INTS9: variants seen among roughly 807,000 people sequenced by gnomAD.
INTS9 encodes the protein protein related to CPSF subunits of 74 kDa.
INTS9 carries 55 observed loss-of-function variants against 79.7 expected under a neutral mutation model. That is an observed-to-expected ratio of 0.69 (90% CI 0.56 to 0.86). The LOEUF (loss-of-function observed/expected upper bound fraction) is 0.86, where lower values mean the gene tolerates loss of function less well. Ranked by LOEUF, INTS9 falls within the 40% of genes least tolerant of loss-of-function variation. The pLI, the probability that INTS9 is intolerant of heterozygous loss-of-function variation, is 0.00. For synonymous variants in INTS9, 319 were observed against 325.2 expected (o/e 0.98, Z 0.20); for missense variants, 721 against 831.5 (o/e 0.87, Z 1.64).
At chr8:28,770,070 C>T in intron 15 of INTS9, 44 bp from the exon 16 acceptor site, 1 of 1,600,554 alleles carries the variant, frequency 6.2e-7, no homozygotes, top group Non-Finnish European at 8.5e-7. Context: ...TTCCTCTGAG[C>T]AGCAGGGGCC....
chr8:28,812,126 G>A (rs1805187113), intron 8 of INTS9, among the ~76,000 whole-genome samples: 1 of 152,206 alleles, frequency 6.6e-6, no homozygotes. Context: ...AATCCTAGGA[G>A]TGACCCTCAA....
intron 4 of INTS9, among the ~76,000 whole-genome samples, chr8:28,844,069 T>C (rs1585458243): frequency 6.6e-6 from 1 of 152,172 alleles, no homozygotes; most frequent in East Asian, 1.9e-4. Flanking sequence ...TCACATGGTG[T>C]TTTAAGCGGA....
At chr8:28,821,931 G>A (rs1333018362) in intron 6 of INTS9, among the ~76,000 whole-genome samples, 10 of 151,880 alleles carry the variant, frequency 6.6e-5, no homozygotes, top group Admixed American at 3.9e-4. Flanking sequence ...CACCATGCCC[G>A]GCTCAGTTTA....
chr8:28,821,020 C>A (rs1805797928), intron 6 of INTS9, among the ~76,000 whole-genome samples: 1 of 152,184 alleles, frequency 6.6e-6, no homozygotes, highest in Non-Finnish European at 1.5e-5. Context: ...AAAATGGGAT[C>A]TTAAAATTCC....
At chr8:28,867,261 G>GA (rs1033114554) in intron 1 of INTS9, among the ~76,000 whole-genome samples, 52 of 151,906 alleles carry the variant, frequency 3.4e-4, no homozygotes, top group Non-Finnish European at 6.0e-4. Flanking sequence ...TGTCTCAACT[G>GA]AAAAAAAATT....
At position 28,780,829 on chromosome 8, in the gene INTS9, A is replaced by G; in HGVS notation, c.1264T>C (p.Phe422Leu). The change falls in exon 12 of 17, where the codon TTC (phenylalanine) becomes CTC (leucine). Residue 422 changes from phenylalanine (F) to leucine (L), a missense_variant. Coordinates refer to ENST00000521022, the MANE Select transcript of INTS9 (RefSeq NM_018250.4). ...CTTTATTTTTTTCACTTACCCGTGA[A>G]TATGACGGTATTGAGACTAGATTTT... ...WGKSSLNTVI[F>L]TEPDFSYLEA... The G allele has an allele frequency of 6.2e-7, 1 of 1,614,138 alleles. No homozygotes were observed. Among genetic ancestry groups the G allele is most frequent in the Non-Finnish European group, 8.5e-7 (1 of 1,179,994 alleles).
chr8:28,845,151 G>A (rs1807432991), intron 4 of INTS9, among the ~76,000 whole-genome samples: 1 of 152,180 alleles, frequency 6.6e-6, no homozygotes, highest in African/African-American at 2.4e-5. Context: ...GGGTTCTACA[G>A]ACCATAAATT....
chr8:28,803,072 C>T (rs1039589204), intron 8 of INTS9, among the ~76,000 whole-genome samples: 3 of 152,002 alleles, frequency 2.0e-5, no homozygotes, highest in African/African-American at 7.2e-5. Flanking sequence ...ATGATCATGC[C>T]ACTGCACTCC....
In INTS9 at chr8:28,846,727, A is replaced by C. The variant is rs2078752162; in HGVS notation, c.261+20T>G. 6.3e-7 allele frequency: 1 copy of C among 1,581,752 alleles called. No homozygotes were observed. The highest frequency in any genetic ancestry group is 1.1e-5 in the South Asian group (1 of 90,456). On this transcript the variant is annotated intron_variant, in intron 4 of 16. Coordinates refer to ENST00000521022, the MANE Select transcript of INTS9 (RefSeq NM_018250.4). The stretch of plus-strand genomic sequence containing the variant: ...ACATAATAAGGTTTGTTTCTACAAT[A>C]AGATTCACCTTAATCTTACCTCTGG...
In INTS9 at chr8:28,816,859, G is replaced by A. The variant is rs561559075; in HGVS notation, c.489-3247C>T. On this transcript the variant is annotated intron_variant, in intron 6 of 16. Coordinates refer to ENST00000521022, the MANE Select transcript of INTS9 (RefSeq NM_018250.4). ...ATGATTGCCATTCTAACTGGTGTAAGGTGGTATCTCATTGTGGTTTTCATT... is the reference window on the plus strand; with the variant it reads ...ATGATTGCCATTCTAACTGGTGTAAAGTGGTATCTCATTGTGGTTTTCATT... Among the ~76,000 whole-genome samples the A allele has an allele frequency of 3.9e-5, 6 of 152,276 alleles. No individual in the cohort carries two copies. The East Asian group carries it at 7.7e-4, about 20-fold the overall frequency.
In INTS9 at chr8:28,796,536, T is replaced by C. The variant is rs368173552; in HGVS notation, c.856+8A>G. ...TCATCCAACGTAAGATGAGAGACGG[T>C]TGCACACCTAGGTTGCTGCAGAACT... On this transcript the variant is annotated splice_region_variant and intron_variant, in intron 9 of 16. Transcript: ENST00000521022. 496 of 1,507,702 alleles carry C rather than the reference T, an allele frequency of 3.3e-4. No homozygotes were observed. The highest frequency in any genetic ancestry group is 4.3e-4 in the Non-Finnish European group (464 of 1,083,148). The allele number at this position is 1,507,702 out of a possible 1,614,324, so 93.4% of individuals were successfully genotyped here. A position where few individuals can be genotyped will look rare whatever the true frequency, so the allele number is the denominator to read the frequency against.
chr8:28,787,558 C>T (rs1803681355), intron 11 of INTS9, among the ~76,000 whole-genome samples: 1 of 152,256 alleles, frequency 6.6e-6, no homozygotes, highest in Admixed American at 6.5e-5. Context: ...GATGCTCAAC[C>T]AGTAAGTATA....
intron 1 of INTS9, among the ~76,000 whole-genome samples, chr8:28,884,220 C>T: frequency 1.1e-5 from 1 of 94,162 alleles, no homozygotes; most frequent in South Asian, 3.9e-4. Flanking sequence ...GGGCCTTGTT[C>T]TGTCACTCAG....
intron 6 of INTS9, among the ~76,000 whole-genome samples, chr8:28,814,261 G>C (rs1383271498): frequency 7.0e-6 from 1 of 142,642 alleles, no homozygotes; most frequent in African/African-American, 2.6e-5. Flanking sequence ...TCTCTCTCCT[G>C]AAACAACACT....
intron 1 of INTS9, among the ~76,000 whole-genome samples, chr8:28,879,165 A>G (rs1241613266): frequency 1.3e-5 from 2 of 152,238 alleles, no homozygotes; most frequent in African/African-American, 4.8e-5. Context: ...GAATATATAC[A>G]CAAACATCCT....
chr8:28,868,679 T>C (rs761391730), intron 1 of INTS9, among the ~76,000 whole-genome samples: 2 of 152,232 alleles, frequency 1.3e-5, no homozygotes, highest in Non-Finnish European at 2.9e-5. Flanking sequence ...GAGATTTAAC[T>C]AGATTATTTT....
intron 11 of INTS9, among the ~76,000 whole-genome samples, chr8:28,782,348 A>G (rs1481693355): frequency 3.9e-5 from 6 of 152,228 alleles, no homozygotes; most frequent in Non-Finnish European, 5.9e-5. Context: ...GACAGTAACC[A>G]CATTCGTCAC....
intron 3 of INTS9, among the ~76,000 whole-genome samples, chr8:28,849,639 A>G (rs1477190816): frequency 1.3e-5 from 2 of 152,120 alleles, no homozygotes; most frequent in Non-Finnish European, 2.9e-5. Flanking sequence ...CTGCTGGGGA[A>G]GTCAAACACT....
chr8:28,777,997 A>T, intron 12 of INTS9, 44 bp from the exon 13 acceptor site: 1 of 1,542,058 alleles, frequency 6.5e-7, no homozygotes, highest in African/African-American at 1.4e-5. Flanking sequence ...CAGACTACAC[A>T]GGAGCTGCCA....
Sources: gnomAD v4.1 joint callset for allele counts (sites outside exome capture counted in the v4.1 genomes callset) on GRCh38, gnomAD v4.1.1 for gene constraint, MANE v1.5 for transcripts, NCBI Gene and HGNC (gene_info 2026-07-23, HGNC 2026-07-21) for gene names.